IL1RAPL2: variants seen among roughly 807,000 people sequenced by gnomAD.
The protein encoded by IL1RAPL2 is X-linked interleukin-1 receptor accessory protein-like 2.
In IL1RAPL2, 3 loss-of-function variants were observed where a neutral mutation model predicts 44.1. The ratio of observed to expected loss-of-function variants is 0.07; its 90% CI spans 0.03 to 0.18. The LOEUF is 0.18. Ranked by LOEUF, IL1RAPL2 falls within the 10% of genes least tolerant of loss-of-function variation. The pLI is 1.00. For missense variants in IL1RAPL2, 391 were observed against 496.4 expected (o/e 0.79, Z 2.02); for synonymous variants, 181 against 178.8 (o/e 1.01, Z -0.10).
At chrX:104,619,864 A>G (rs1478412250) in intron 1 of IL1RAPL2, among the ~76,000 whole-genome samples, 1 of 111,977 alleles carries the variant, frequency 8.9e-6, no homozygotes, top group Non-Finnish European at 1.9e-5. Flanking sequence ...GGTGCAATGG[A>G]AATGTTAAAG....
At position 105,492,784 on chromosome X, in the gene IL1RAPL2, T is replaced by C. The variant is rs1325880264; in HGVS notation, c.772+8397T>C. ...AACAGTTTTATTATTATATTAGTCATATACCGTACAATTGGCAATTTAAAA... is the reference window on the plus strand; with the variant it reads ...AACAGTTTTATTATTATATTAGTCACATACCGTACAATTGGCAATTTAAAA... On this transcript the variant is annotated intron_variant, in intron 6 of 10. Coordinates refer to ENST00000372582, the MANE Select transcript of IL1RAPL2 (RefSeq NM_017416.2). Among the ~76,000 whole-genome samples the C allele has an allele frequency of 3.6e-5, 4 of 110,774 alleles. No homozygotes were observed. The Admixed American group carries it at 3.9e-4, about 11-fold the overall frequency.
chrX:105,042,230 A>G (rs1454154690), intron 2 of IL1RAPL2, among the ~76,000 whole-genome samples: 10 of 108,989 alleles, frequency 9.2e-5, no homozygotes, highest in Admixed American at 3.9e-4. Flanking sequence ...GACAAATGGG[A>G]TCTAATTAAA....
At chrX:105,260,373 C>T (rs1233205236) in intron 4 of IL1RAPL2, among the ~76,000 whole-genome samples, 1 of 112,290 alleles carries the variant, frequency 8.9e-6, no homozygotes, top group African/African-American at 3.2e-5. Flanking sequence ...TGGGAGGTCC[C>T]GCCCAGTGAG....
At chrX:105,366,055 C>T (rs1040684566) in intron 5 of IL1RAPL2, among the ~76,000 whole-genome samples, 11 of 111,037 alleles carry the variant, frequency 9.9e-5, no homozygotes, top group Admixed American at 4.8e-4. Context: ...TCAAGCAATC[C>T]GCCTGCCTCA....
intron 5 of IL1RAPL2, among the ~76,000 whole-genome samples, chrX:105,366,395 G>GCCCA (rs2035295465): frequency 1.8e-5 from 2 of 108,633 alleles, no homozygotes; most frequent in African/African-American, 6.7e-5. Context: ...TCTTCTTTCT[G>GCCCA]CTAAGTTTGG....
intron 2 of IL1RAPL2, among the ~76,000 whole-genome samples, chrX:105,068,575 G>A (rs1164081548): frequency 9.0e-6 from 1 of 111,454 alleles, no homozygotes; most frequent in Non-Finnish European, 1.9e-5. Context: ...CTATCTCCTG[G>A]GATCTCTGAG....
At chrX:105,494,432 T>G (rs2036342542) in intron 6 of IL1RAPL2, among the ~76,000 whole-genome samples, 1 of 111,984 alleles carries the variant, frequency 8.9e-6, no homozygotes, top group Non-Finnish European at 1.9e-5. Context: ...TGGATGAACT[T>G]GTAGAAAATT....
chrX:105,460,415 A>G (rs780669968), intron 5 of IL1RAPL2, among the ~76,000 whole-genome samples: 1 of 107,687 alleles, frequency 9.3e-6, no homozygotes, highest in African/African-American at 3.4e-5. Context: ...CCTTCTCCCC[A>G]TTCTTTTCTT....
intron 2 of IL1RAPL2, among the ~76,000 whole-genome samples, chrX:105,125,859 G>A (rs2032969858): frequency 9.1e-6 from 1 of 110,033 alleles, no homozygotes; most frequent in Admixed American, 9.7e-5. Flanking sequence ...TGTATACTGA[G>A]GGAAAACTGT....
At chrX:105,020,219 A>G (rs1336786216) in intron 2 of IL1RAPL2, among the ~76,000 whole-genome samples, 2 of 110,940 alleles carry the variant, frequency 1.8e-5, no homozygotes, top group African/African-American at 6.6e-5. Context: ...TCCTGGCCTC[A>G]AAAGATTCTT....
intron 5 of IL1RAPL2, among the ~76,000 whole-genome samples, chrX:105,392,551 A>G (rs1350070534): frequency 8.9e-6 from 1 of 111,923 alleles, no homozygotes; most frequent in Non-Finnish European, 1.9e-5. Flanking sequence ...AAGACATTGT[A>G]CAACATGCCA....
chrX:104,770,573 C>T (rs1001870615), intron 2 of IL1RAPL2, among the ~76,000 whole-genome samples: 6 of 111,516 alleles, frequency 5.4e-5, no homozygotes, highest in Admixed American at 2.9e-4. Context: ...TTTATGGATA[C>T]GGAAACTGAG....
At chrX:105,478,952 G>A (rs1272251015) in intron 5 of IL1RAPL2, among the ~76,000 whole-genome samples, 1 of 112,140 alleles carries the variant, frequency 8.9e-6, no homozygotes, top group Admixed American at 9.5e-5. Context: ...CATGTAATGT[G>A]AGGTTTAATT....
chrX:104,656,546 G>T (rs1281800036), intron 1 of IL1RAPL2, among the ~76,000 whole-genome samples: 2 of 111,828 alleles, frequency 1.8e-5, no homozygotes, highest in African/African-American at 6.5e-5. Context: ...GAGACTTTTT[G>T]TTGTGATTTC....
chrX:104,909,961 G>A (rs921542163), intron 2 of IL1RAPL2, among the ~76,000 whole-genome samples: 12 of 112,458 alleles, frequency 1.1e-4, no homozygotes, highest in South Asian at 3.7e-4. Flanking sequence ...CCTCGCTGAC[G>A]CCTTGCAGTT....
chrX:105,692,797 T>C (rs771298556), intron 6 of IL1RAPL2, among the ~76,000 whole-genome samples: 2 of 111,283 alleles, frequency 1.8e-5, no homozygotes, highest in Non-Finnish European at 3.8e-5. Context: ...AGCAAGGAAG[T>C]GACATAATCA....
At chrX:105,217,882 G>A (rs1311405520) in intron 3 of IL1RAPL2, among the ~76,000 whole-genome samples, 1 of 111,777 alleles carries the variant, frequency 8.9e-6, no homozygotes, top group Non-Finnish European at 1.9e-5. Flanking sequence ...ACTCATAAGT[G>A]TGAGGTGAAA....
chrX:105,249,106 A>G (rs2034247382), intron 4 of IL1RAPL2, among the ~76,000 whole-genome samples: 1 of 111,695 alleles, frequency 9.0e-6, no homozygotes. Context: ...GTGTCCATCA[A>G]CAGATGAATG....
intron 2 of IL1RAPL2, among the ~76,000 whole-genome samples, chrX:104,851,887 C>T (rs754444336): frequency 2.4e-3 from 267 of 111,569 alleles, no homozygotes; most frequent in Middle Eastern, 0.019. Context: ...ACAACCTGCT[C>T]TCATGGGAAT....
Sources: gnomAD v4.1 joint callset for allele counts (sites outside exome capture counted in the v4.1 genomes callset) on GRCh38, gnomAD v4.1.1 for gene constraint, MANE v1.5 for transcripts, NCBI Gene and HGNC (gene_info 2026-07-23, HGNC 2026-07-21) for gene names.